Variants in GAS7 observed in about 807,000 individuals in gnomAD.
The protein encoded by GAS7 is growth arrest-specific protein 7.
GAS7 carries 28 observed loss-of-function variants against 71.1 expected under a neutral mutation model. The observed-to-expected ratio is 0.39, with a 90% CI of 0.29 to 0.54. The LOEUF (loss-of-function observed/expected upper bound fraction) is 0.54, where lower values mean the gene tolerates loss of function less well. Ranked by LOEUF, GAS7 falls within the 20% of genes least tolerant of loss-of-function variation. The pLI, the probability that GAS7 is intolerant of heterozygous loss-of-function variation, is 0.62. For missense variants in GAS7, 436 were observed against 627.8 expected (o/e 0.69, Z 3.27); for synonymous variants, 258 against 245.8 (o/e 1.05, Z -0.46).
intron 1 of GAS7, among the ~76,000 whole-genome samples, chr17:10,159,534 C>T (rs529746258): frequency 6.6e-6 from 1 of 152,122 alleles, no homozygotes; most frequent in African/African-American, 2.4e-5. Flanking sequence ...GTGAGAAAAG[C>T]CAGATGCACC....
In GAS7 at chr17:9,911,212, G is replaced by C. The variant is rs1597421800; in HGVS notation, c.*6016C>G. The C allele has an allele frequency of 4.3e-6, 1 of 233,438 alleles. No homozygotes were observed. The highest frequency in any genetic ancestry group is 6.0e-5 in the East Asian group (1 of 16,574). The allele number at this position is 233,438 out of a possible 1,614,324, so 14.5% of individuals were successfully genotyped here. The stretch of plus-strand genomic sequence containing the variant: ...TGCTGCAGGTGATGCTGGAAGGGAA[G>C]CGCCCCCACTTGACAGATGAGTGCA... On this transcript the variant is annotated 3_prime_UTR_variant, in exon 14 of 14. Coordinates refer to ENST00000432992, the MANE Select transcript of GAS7 (RefSeq NM_201433.2). This position sits in a 1 kb window ranked among gnomAD's most constrained non-coding sequence, Gnocchi z 4.0.
intron 1 of GAS7, among the ~76,000 whole-genome samples, chr17:10,107,080 T>C (rs1286381017): frequency 6.6e-6 from 1 of 152,208 alleles, no homozygotes; most frequent in Non-Finnish European, 1.5e-5. Flanking sequence ...GAACAGATTC[T>C]CCTTGGAGCT....
chr17:10,016,342 G>A (rs191581648), intron 2 of GAS7, among the ~76,000 whole-genome samples: 1 of 140,760 alleles, frequency 7.1e-6, no homozygotes. Flanking sequence ...CCGAGATCGC[G>A]CCACTGCAGT....
At chr17:9,996,923 A>G (rs1467537563) in intron 2 of GAS7, among the ~76,000 whole-genome samples, 1 of 152,150 alleles carries the variant, frequency 6.6e-6, no homozygotes, top group African/African-American at 2.4e-5. Flanking sequence ...TACAGGCATG[A>G]GCCACCGCGC....
intron 1 of GAS7, among the ~76,000 whole-genome samples, chr17:10,180,067 G>A (rs1001669843): frequency 1.3e-5 from 2 of 152,150 alleles, no homozygotes; most frequent in African/African-American, 2.4e-5. Context: ...ATGGCTGGGC[G>A]TGGTGGCTCA....
At chr17:10,002,567 C>G (rs548180488) in intron 2 of GAS7, among the ~76,000 whole-genome samples, 1 of 152,266 alleles carries the variant, frequency 6.6e-6, no homozygotes, top group Non-Finnish European at 1.5e-5. Context: ...CCCGTCCCCC[C>G]ATCCCACAAC....
intron 1 of GAS7, among the ~76,000 whole-genome samples, chr17:10,134,748 T>C (rs1363317977): frequency 6.6e-6 from 1 of 151,982 alleles, no homozygotes; most frequent in South Asian, 2.1e-4. Context: ...CCTGTGACTA[T>C]AGCCCTGTGA....
At chr17:10,043,144 A>C (rs575610594) in intron 1 of GAS7, among the ~76,000 whole-genome samples, 2 of 152,176 alleles carry the variant, frequency 1.3e-5, no homozygotes, top group South Asian at 4.2e-4. Flanking sequence ...GCAGTGGGAG[A>C]AGAATTATTC....
intron 1 of GAS7, among the ~76,000 whole-genome samples, chr17:10,139,196 T>C (rs2142095245): frequency 6.6e-6 from 1 of 152,352 alleles, no homozygotes; most frequent in South Asian, 2.1e-4. Context: ...GGAACACAGC[T>C]ATTTATTAGC....
chr17:10,072,837 G>T (rs1257638157), intron 1 of GAS7, among the ~76,000 whole-genome samples: 1 of 152,006 alleles, frequency 6.6e-6, no homozygotes, highest in Non-Finnish European at 1.5e-5. Flanking sequence ...TGGCTTATCT[G>T]CAATTTGGGG....
At chr17:9,937,257 A>C (rs2068434400) in intron 8 of GAS7, among the ~76,000 whole-genome samples, 1 of 152,188 alleles carries the variant, frequency 6.6e-6, no homozygotes, top group Non-Finnish European at 1.5e-5. Context: ...ATGTGTGTAC[A>C]GTATGGTAGT....
rs1410396373 is a variant in GAS7 at position 10,102,613 on chromosome 17, T to C, written c.184-82716A>G. ...CTATTCCAGTGGTCATCCCCTGACC[T>C]GGTATTTTAAATCCAGACTTCTCAA... On this transcript the variant is annotated intron_variant, in intron 1 of 13. Transcript: ENST00000432992. 3.3e-5 allele frequency among the ~76,000 whole-genome samples: 5 copies of C among 152,176 alleles called. No homozygotes were observed. The East Asian group carries it at 9.6e-4, about 29-fold the overall frequency.
chr17:9,972,469 C>T (rs545250655), intron 3 of GAS7, among the ~76,000 whole-genome samples: 1 of 152,212 alleles, frequency 6.6e-6, no homozygotes, highest in Non-Finnish European at 1.5e-5. Context: ...AGAAGAAAAC[C>T]TCAGGACACT....
At chr17:9,966,943 G>T (rs1461972000) in intron 4 of GAS7, among the ~76,000 whole-genome samples, 1 of 152,160 alleles carries the variant, frequency 6.6e-6, no homozygotes, top group East Asian at 1.9e-4. Flanking sequence ...AAGCCTAAAA[G>T]AATAACATTC....
rs2067448589 is a variant in GAS7 at position 9,911,932 on chromosome 17, G to C, written c.*5296C>G. The C allele has an allele frequency of 4.3e-6, 1 of 231,932 alleles. No individual in the cohort carries two copies. The highest frequency in any genetic ancestry group is 2.2e-5 in the African/African-American group (1 of 45,226). The allele number at this position is 231,932 out of a possible 1,614,324, so 14.4% of individuals were successfully genotyped here. On this transcript the variant is annotated 3_prime_UTR_variant, in exon 14 of 14. Coordinates refer to ENST00000432992, the MANE Select transcript of GAS7 (RefSeq NM_201433.2). The surrounding 1 kb of genome is among the most constrained non-coding windows in gnomAD (Gnocchi z 4.0). Reference sequence around the variant, plus strand: ...GCCTGGTCTGGCCTTAACTGGGTGTGGTCCTGTCCCTGCCACCATGTACCA... The same window carrying C: ...GCCTGGTCTGGCCTTAACTGGGTGTCGTCCTGTCCCTGCCACCATGTACCA...
intron 1 of GAS7, among the ~76,000 whole-genome samples, chr17:10,161,317 G>A (rs2074254820): frequency 6.6e-6 from 1 of 152,196 alleles, no homozygotes; most frequent in Non-Finnish European, 1.5e-5. Context: ...GTTCACTGTA[G>A]TGAGAGGGAT....
rs2074478581 is a variant in GAS7 at position 10,189,057 on chromosome 17, T to G, written c.183+9151A>C. Among the ~76,000 whole-genome samples, 5 of 152,254 alleles carry G rather than the reference T, an allele frequency of 3.3e-5. No homozygotes were observed. The South Asian group carries it at 1.0e-3, about 31-fold the overall frequency. ...TAATTTATAAAAGCACTTTCTACAT[T>G]AAGGAACTTTTTCCAAATTTGTATT... is the stretch of plus-strand genomic sequence containing the variant. On this transcript the variant is annotated intron_variant, in intron 1 of 13. Transcript: ENST00000432992.
At chr17:9,996,436 G>A (rs1334083831) in intron 2 of GAS7, among the ~76,000 whole-genome samples, 1 of 132,362 alleles carries the variant, frequency 7.6e-6, no homozygotes, top group African/African-American at 2.7e-5. Flanking sequence ...TGGGGGGAGG[G>A]GGCAGGGATA....
chr17:10,148,165 A>G (rs11868562), intron 1 of GAS7, among the ~76,000 whole-genome samples: 3,443 of 152,190 alleles, frequency 0.023, 55 homozygotes, highest in Middle Eastern at 0.058. Context: ...AAAAAAGAAC[A>G]CAGTTTTTTT....
Sources: allele counts gnomAD v4.1 joint callset (sites outside exome capture counted in the v4.1 genomes callset), GRCh38; gene constraint gnomAD v4.1.1; non-coding constraint Gnocchi (gnomAD v3.1); transcripts MANE v1.5; gene names NCBI Gene and HGNC (gene_info 2026-07-23, HGNC 2026-07-21).